TPTE2: variants seen among roughly 807,000 people sequenced by gnomAD.
TPTE2 encodes the protein transmembrane phosphoinositide 3-phosphatase and tensin homolog 2.
TPTE2 carries 53 observed loss-of-function variants against 78.6 expected under a neutral mutation model. That is an observed-to-expected ratio of 0.67 (90% confidence interval 0.54 to 0.85). The LOEUF (loss-of-function observed/expected upper bound fraction) is 0.85, where lower values mean the gene tolerates loss of function less well. Ranked by LOEUF, TPTE2 falls within the 40% of genes least tolerant of loss-of-function variation. The probability of loss-of-function intolerance (pLI) is 0.00; values close to 1 mark genes in which losing one functional copy is unlikely to be tolerated. For synonymous variants in TPTE2, 175 were observed against 206.2 expected (o/e 0.85, Z 1.30); for missense variants, 461 against 623.0 (o/e 0.74, Z 2.77).
At chr13:19,517,307 T>G (rs1869855922) in intron 1 of TPTE2, among the ~76,000 whole-genome samples, 1 of 152,224 alleles carries the variant, frequency 6.6e-6, no homozygotes, top group East Asian at 1.9e-4. Flanking sequence ...TTTCCTTTTT[T>G]CATTTTTTAG....
intron 10 of TPTE2, among the ~76,000 whole-genome samples, chr13:19,453,693 C>A (rs1042890953): frequency 6.6e-6 from 1 of 151,922 alleles, no homozygotes; most frequent in Admixed American, 6.6e-5. Context: ...TTCAACTCTG[C>A]CAAGAATCTA....
intron 10 of TPTE2, among the ~76,000 whole-genome samples, chr13:19,454,875 T>C (rs1268339904): frequency 1.3e-5 from 2 of 152,200 alleles, no homozygotes; most frequent in African/African-American, 2.4e-5. Flanking sequence ...AATTTAGACA[T>C]GCTATAATTA....
chr13:19,453,648 T>C (rs1273229610), intron 10 of TPTE2, among the ~76,000 whole-genome samples: 1 of 151,356 alleles, frequency 6.6e-6, no homozygotes, highest in African/African-American at 2.4e-5. Context: ...CTTATCCAAA[T>C]TAGGTGAAAA....
chr13:19,503,931 G>T (rs753987285), upstream of TPTE2, among the ~76,000 whole-genome samples: 2 of 150,900 alleles, frequency 1.3e-5, no homozygotes, highest in Non-Finnish European at 1.5e-5. Context: ...TAGTAGAGAT[G>T]GGGTTTCACC....
upstream of TPTE2, among the ~76,000 whole-genome samples, chr13:19,507,609 G>C (rs565298626): frequency 1.0e-3 from 154 of 152,272 alleles, no homozygotes; most frequent in African/African-American, 3.6e-3. Context: ...TTTTCCCTGA[G>C]GTTGCCTCTG....
chr13:19,424,099 C>G (rs1875820572), intron 19 of TPTE2, among the ~76,000 whole-genome samples: 1 of 152,196 alleles, frequency 6.6e-6, no homozygotes, highest in Non-Finnish European at 1.5e-5. Context: ...TTATTCGATC[C>G]AGTTCACGTT....
At chr13:19,475,020 G>A (rs1879845639) in intron 5 of TPTE2, among the ~76,000 whole-genome samples, 1 of 152,054 alleles carries the variant, frequency 6.6e-6, no homozygotes, top group African/African-American at 2.4e-5. Context: ...ATTAATCTTA[G>A]GCAAAAGCCA....
intron 4 of TPTE2, among the ~76,000 whole-genome samples, chr13:19,478,704 T>C (rs1222911350): frequency 1.3e-5 from 2 of 152,096 alleles, no homozygotes; most frequent in Non-Finnish European, 2.9e-5. Context: ...TAAAGACACA[T>C]GCACATGTAT....
chr13:19,492,286 A>G (rs1881038066), intron 3 of TPTE2, among the ~76,000 whole-genome samples: 1 of 152,092 alleles, frequency 6.6e-6, no homozygotes, highest in African/African-American at 2.4e-5. Flanking sequence ...GGGTCTAGGC[A>G]CCAACCTCAC....
the TPTE2 span, among the ~76,000 whole-genome samples, chr13:19,545,473 T>C: frequency 4.6e-5 from 7 of 152,166 alleles, no homozygotes; most frequent in African/African-American, 1.7e-4. Context: ...AAGAGAAGAA[T>C]AAAGTGAAAG....
intron 10 of TPTE2, among the ~76,000 whole-genome samples, chr13:19,451,701 G>T (rs564211384): frequency 1.1e-4 from 17 of 152,036 alleles, no homozygotes; most frequent in East Asian, 9.7e-4. Context: ...ATGTGTGATA[G>T]AAAAAGATAA....
chr13:19,489,547 T>G (rs560379927), intron 3 of TPTE2, among the ~76,000 whole-genome samples: 1 of 150,488 alleles, frequency 6.6e-6, no homozygotes, highest in African/African-American at 2.4e-5. Context: ...GTTATTAATT[T>G]GGGTCAGTGC....
intron 6 of TPTE2, among the ~76,000 whole-genome samples, chr13:19,469,831 G>T (rs369050087): frequency 1.3e-5 from 2 of 151,892 alleles, no homozygotes; most frequent in Non-Finnish European, 2.9e-5. Context: ...AATGGTTCAC[G>T]GTTGACATAT....
rs552052373 is a variant in TPTE2 at position 19,479,498 on chromosome 13, AT to A, written c.179+2989del. On this transcript the variant is annotated intron_variant, in intron 4 of 19. Transcript: ENST00000400230. Reference sequence around the variant, plus strand: ...AAATATAGACAAATTTACAAAGAAAATATCAAAGTATTTTTAATAAAGAAAA... The same window carrying A: ...AAATATAGACAAATTTACAAAGAAAAATCAAAGTATTTTTAATAAAGAAAA... 2.1e-3 allele frequency among the ~76,000 whole-genome samples: 322 copies of A among 152,290 alleles called. 3 individuals carry two copies. The highest frequency in any genetic ancestry group is 0.016 in the South Asian group (75 of 4,828).
At chr13:19,464,332 G>A in intron 10 of TPTE2, 124 bp downstream of exon 13, 1 of 1,041,440 alleles carries the variant, frequency 9.6e-7, no homozygotes. Flanking sequence ...AATCCATTAT[G>A]ATTTTTTTAC....
chr13:19,539,602 T>G (rs932434407), upstream of TPTE2, among the ~76,000 whole-genome samples: 2 of 152,228 alleles, frequency 1.3e-5, no homozygotes, highest in Non-Finnish European at 2.9e-5. Flanking sequence ...ACCATAGCAC[T>G]GATTTTATCA....
intron 19 of TPTE2, 117 bp from the exon 23 acceptor site, chr13:19,423,281 C>T: frequency 5.9e-6 from 4 of 673,126 alleles, no homozygotes; most frequent in South Asian, 5.0e-5. Flanking sequence ...GAATAGAACC[C>T]CAGACCCTTT....
At position 19,437,964 on chromosome 13, in the gene TPTE2, C is replaced by G. The variant is rs1054772300; in HGVS notation, c.1035+128G>C. 3.7e-6 allele frequency: 5 copies of G among 1,349,812 alleles called. No individual in the cohort carries two copies. The East Asian group carries it at 1.0e-4, about 27-fold the overall frequency. The allele number at this position is 1,349,812 out of a possible 1,614,324, so 83.6% of individuals were successfully genotyped here. ...GTATCAAAAATAGACTTTCTAAAAA[C>G]TGCTTCTCTAATTACAATTTTACTA... On this transcript the variant is annotated intron_variant, in intron 14 of 19. Transcript: ENST00000400230.
intron 14 of TPTE2, among the ~76,000 whole-genome samples, chr13:19,437,599 G>C: frequency 6.6e-6 from 1 of 152,146 alleles, no homozygotes; most frequent in Admixed American, 6.5e-5. Context: ...CTATTCTCAC[G>C]AGGAAGGAAG....
Sources: gnomAD v4.1 joint callset for allele counts (sites outside exome capture counted in the v4.1 genomes callset) on GRCh38, gnomAD v4.1.1 for gene constraint, MANE v1.5 for transcripts, NCBI Gene and HGNC (gene_info 2026-07-23, HGNC 2026-07-21) for gene names.